The following KCNQ3 variants were observed in gnomAD, a reference collection of about 807,000 sequenced individuals.
KCNQ3 encodes potassium voltage-gated channel subfamily KQT member 3.
Under a neutral mutation model 92.5 loss-of-function variants are expected in KCNQ3, and 30 were observed. The ratio of observed to expected loss-of-function variants is 0.32; its 90% CI spans 0.24 to 0.44. The LOEUF is 0.44. KCNQ3 is among the 20% of genes least tolerant of loss of function. The pLI, the probability that KCNQ3 is intolerant of heterozygous loss-of-function variation, is 1.00. For missense variants in KCNQ3, 913 were observed against 1,140.3 expected (o/e 0.80, Z 2.87); for synonymous variants, 450 against 468.8 (o/e 0.96, Z 0.52).
chr8:132,420,518 G>A (rs997694762), intron 1 of KCNQ3, among the ~76,000 whole-genome samples: 3 of 152,074 alleles, frequency 2.0e-5, no homozygotes, highest in African/African-American at 4.8e-5. Context: ...ATGTCTCCTC[G>A]GCTGACACCC....
At chr8:132,201,490 C>T (rs753441175) in intron 1 of KCNQ3, among the ~76,000 whole-genome samples, 15 of 151,566 alleles carry the variant, frequency 9.9e-5, no homozygotes, top group Non-Finnish European at 1.9e-4. Context: ...TATCTGTTTC[C>T]AAAATGCAAT....
At chr8:132,187,677 G>C (rs1245412652) in intron 1 of KCNQ3, among the ~76,000 whole-genome samples, 1 of 151,450 alleles carries the variant, frequency 6.6e-6, no homozygotes, top group Non-Finnish European at 1.5e-5. Flanking sequence ...TGGTGGTGGT[G>C]GTGATTATGA....
At chr8:132,227,002 G>A (rs1370453445) in intron 1 of KCNQ3, among the ~76,000 whole-genome samples, 1 of 151,800 alleles carries the variant, frequency 6.6e-6, no homozygotes, top group Non-Finnish European at 1.5e-5. Context: ...ATAGTTACAG[G>A]GAAGGAAGTG....
chr8:132,476,351 T>C (rs887390134), intron 1 of KCNQ3, among the ~76,000 whole-genome samples: 3 of 152,148 alleles, frequency 2.0e-5, no homozygotes, highest in South Asian at 2.1e-4. Flanking sequence ...GAATGGTAGA[T>C]CCACAGACAG....
chr8:132,175,913 G>A (rs1826534722), intron 4 of KCNQ3, among the ~76,000 whole-genome samples: 2 of 152,308 alleles, frequency 1.3e-5, no homozygotes, highest in Admixed American at 1.3e-4. Context: ...AGGAGGAAGT[G>A]GCTCCTTCTT....
intron 1 of KCNQ3, among the ~76,000 whole-genome samples, chr8:132,346,953 AG>A (rs1230478570): frequency 2.0e-5 from 3 of 152,214 alleles, no homozygotes; most frequent in African/African-American, 7.2e-5. Flanking sequence ...AGTGGAGGGC[AG>A]CAGTCCAGGG....
chr8:132,185,236 T>G (rs549948045), intron 2 of KCNQ3, among the ~76,000 whole-genome samples: 1 of 152,334 alleles, frequency 6.6e-6, no homozygotes, highest in East Asian at 1.9e-4. Context: ...TTGCCCAGTG[T>G]GAGAAGAAGG....
chr8:132,461,389 C>G (rs10956662), intron 1 of KCNQ3, among the ~76,000 whole-genome samples: 1 of 151,792 alleles, frequency 6.6e-6, no homozygotes. Flanking sequence ...CGTGGTGAAA[C>G]CCCGTCTCCA....
intron 1 of KCNQ3, among the ~76,000 whole-genome samples, chr8:132,383,703 A>T (rs1383021751): frequency 1.3e-5 from 2 of 152,188 alleles, no homozygotes; most frequent in African/African-American, 4.8e-5. Context: ...GAGGATGCAG[A>T]CCTTGTGGAT....
At chr8:132,435,085 T>C (rs1821357908) in intron 1 of KCNQ3, among the ~76,000 whole-genome samples, 1 of 152,146 alleles carries the variant, frequency 6.6e-6, no homozygotes, top group African/African-American at 2.4e-5. Context: ...CATGCAAGGA[T>C]GAACCAGCAC....
chr8:132,438,713 G>A lies in KCNQ3; in HGVS notation c.386+41434C>T, dbSNP rs548413975. Among the ~76,000 whole-genome samples, 6 of 152,140 alleles carry A rather than the reference G, an allele frequency of 3.9e-5. No individual in the cohort carries two copies. The South Asian group carries it at 1.3e-3, about 32-fold the overall frequency. On this transcript the variant is annotated intron_variant, in intron 1 of 14. Coordinates refer to ENST00000388996, the MANE Select transcript of KCNQ3 (RefSeq NM_004519.4). ...AACTAATACTGTGGAAAGAGACAGC[G>A]AGACTGAGCTCAGGTCAATGAAAGG...
intron 1 of KCNQ3, among the ~76,000 whole-genome samples, chr8:132,450,284 CA>C (rs202068699): frequency 0.015 from 2,259 of 152,236 alleles, 43 homozygotes; most frequent in African/African-American, 0.047. Flanking sequence ...GCCTATTTTA[CA>C]AACCTCTAGC....
intron 1 of KCNQ3, among the ~76,000 whole-genome samples, chr8:132,457,984 C>T (rs1314515642): frequency 6.6e-6 from 1 of 152,186 alleles, no homozygotes; most frequent in Non-Finnish European, 1.5e-5. Context: ...TGAGCATGTC[C>T]ACCTCCTGTC....
chr8:132,302,272 T>G (rs1463554679), intron 1 of KCNQ3, among the ~76,000 whole-genome samples: 2 of 152,202 alleles, frequency 1.3e-5, no homozygotes, highest in Admixed American at 6.5e-5. Context: ...CAAAGTAGTT[T>G]AAGACACTAG....
intron 1 of KCNQ3, among the ~76,000 whole-genome samples, chr8:132,257,664 T>C (rs1302840809): frequency 6.7e-6 from 1 of 148,190 alleles, no homozygotes; most frequent in East Asian, 2.0e-4. Flanking sequence ...GGAGAATCTC[T>C]TGAACCCAGG....
At chr8:132,232,589 G>A (rs1253574947) in intron 1 of KCNQ3, among the ~76,000 whole-genome samples, 1 of 152,120 alleles carries the variant, frequency 6.6e-6, no homozygotes, top group Non-Finnish European at 1.5e-5. Context: ...AACACAGTGG[G>A]CACATAGTAA....
intron 1 of KCNQ3, among the ~76,000 whole-genome samples, chr8:132,187,962 G>GTTGCTGGTGGTAGTGCT (rs1827054886): frequency 6.6e-6 from 1 of 151,902 alleles, no homozygotes; most frequent in African/African-American, 2.4e-5. Flanking sequence ...TTGTGATGAT[G>GTTGCTGGTGGTAGTGCT]GTAACAACAT....
Position 132,444,341 on chromosome 8 carries a change from T to C in KCNQ3, c.386+35806A>G, listed in dbSNP as rs548964673. ...CTGTTTCTGCACTTTGAGTTCTGAT[T>C]CTGTGCCTTCGTGCTACAACTGGGG... On this transcript the variant is annotated intron_variant, in intron 1 of 14. Transcript: ENST00000388996. Among the ~76,000 whole-genome samples the C allele has an allele frequency of 1.7e-4, 26 of 152,294 alleles. No homozygotes were observed. The South Asian group carries it at 4.4e-3, about 26-fold the overall frequency.
intron 1 of KCNQ3, among the ~76,000 whole-genome samples, chr8:132,289,855 G>T (rs967429737): frequency 6.6e-6 from 1 of 152,090 alleles, no homozygotes. Flanking sequence ...GTGACCTTCT[G>T]AGTCTCTTAT....
Sources: allele counts gnomAD v4.1 joint callset (sites outside exome capture counted in the v4.1 genomes callset), GRCh38; gene constraint gnomAD v4.1.1; transcripts MANE v1.5; gene names NCBI Gene and HGNC (gene_info 2026-07-23, HGNC 2026-07-21).